RSF1: variants seen among roughly 807,000 people sequenced by gnomAD.
The protein encoded by RSF1 is remodeling and spacing factor 1, also known as HBV pX-associated protein 8.
In RSF1, 13 loss-of-function variants were observed where a neutral mutation model predicts 145.2. The observed-to-expected ratio is 0.09, with a 90% confidence interval of 0.06 to 0.14. The LOEUF (loss-of-function observed/expected upper bound fraction) is 0.14, where lower values mean the gene tolerates loss of function less well. RSF1 is among the 10% of genes least tolerant of loss of function. The pLI, the probability that RSF1 is intolerant of heterozygous loss-of-function variation, is 1.00. For synonymous variants in RSF1, 577 were observed against 592.6 expected (o/e 0.97, Z 0.38); for missense variants, 1,517 against 1,718.2 (o/e 0.88, Z 2.07).
At chr11:77,775,454 C>G (rs78937933) in intron 1 of RSF1, among the ~76,000 whole-genome samples, 1 of 152,130 alleles carries the variant, frequency 6.6e-6, no homozygotes, top group Non-Finnish European at 1.5e-5. Context: ...GTCTTTTCCC[C>G]GCTTTTCTCT....
At chr11:77,721,455 T>C (rs1339830187) in intron 5 of RSF1, among the ~76,000 whole-genome samples, 1 of 152,222 alleles carries the variant, frequency 6.6e-6, no homozygotes, top group South Asian at 2.1e-4. Context: ...TATATGTAAG[T>C]GCAGCATTAA....
chr11:77,804,384 G>A (rs929590636), intron 1 of RSF1, among the ~76,000 whole-genome samples: 1 of 152,132 alleles, frequency 6.6e-6, no homozygotes, highest in Non-Finnish European at 1.5e-5. Context: ...GGTAGCATGG[G>A]GACCCCACCT....
chr11:77,812,651 C>T (rs1236163331), intron 1 of RSF1, among the ~76,000 whole-genome samples: 8 of 151,992 alleles, frequency 5.3e-5, no homozygotes, highest in African/African-American at 1.7e-4. Context: ...TTTGGGAGGC[C>T]GGGGCAGGCA....
At chr11:77,812,884 C>CAAAAA (rs71046910) in intron 1 of RSF1, among the ~76,000 whole-genome samples, 1 of 110,570 alleles carries the variant, frequency 9.0e-6, no homozygotes, top group Admixed American at 1.0e-4. Context: ...AGCTCCATCT[C>CAAAAA]AAAAAAAAAA....
At chr11:77,711,530 G>A (rs966038992) in intron 5 of RSF1, among the ~76,000 whole-genome samples, 36 of 152,144 alleles carry the variant, frequency 2.4e-4, no homozygotes, top group African/African-American at 7.5e-4. Flanking sequence ...TTAGCCGGGC[G>A]TGGTTGCAGG....
At chr11:77,724,623 G>A (rs1961010100) in intron 5 of RSF1, among the ~76,000 whole-genome samples, 1 of 152,152 alleles carries the variant, frequency 6.6e-6, no homozygotes, top group Non-Finnish European at 1.5e-5. Context: ...CAGTTTCGTG[G>A]AAGACAATTT....
chr11:77,721,901 A>G (rs547491908), intron 5 of RSF1, among the ~76,000 whole-genome samples: 25 of 152,348 alleles, frequency 1.6e-4, no homozygotes, highest in Non-Finnish European at 2.8e-4. Context: ...GGCTGTGCGC[A>G]GTTGCTCACA....
chr11:77,769,265 G>A (rs1014553588), intron 1 of RSF1, among the ~76,000 whole-genome samples: 1 of 152,060 alleles, frequency 6.6e-6, no homozygotes, highest in South Asian at 2.1e-4. Flanking sequence ...ACCGTGCCCA[G>A]CCATCAATCA....
At chr11:77,689,591 C>A (rs1452361009) in intron 9 of RSF1, among the ~76,000 whole-genome samples, 1 of 152,198 alleles carries the variant, frequency 6.6e-6, no homozygotes, top group Non-Finnish European at 1.5e-5. Context: ...AATATATCTC[C>A]ACTTTTCCAT....
At chr11:77,865,971 T>C in the RSF1 span, among the ~76,000 whole-genome samples, 4 of 152,076 alleles carry the variant, frequency 2.6e-5, no homozygotes, top group African/African-American at 9.7e-5. Flanking sequence ...AGACAAGCAA[T>C]AATGAGAATG....
intron 2 of RSF1, among the ~76,000 whole-genome samples, chr11:77,748,877 G>A (rs1948031145): frequency 1.3e-5 from 2 of 152,172 alleles, no homozygotes; most frequent in Admixed American, 1.3e-4. Context: ...GTTCCTCGCA[G>A]TATTATTCAC....
chr11:77,822,608 G>A (rs187674823), upstream of RSF1, among the ~76,000 whole-genome samples: 13 of 152,200 alleles, frequency 8.5e-5, no homozygotes, highest in Admixed American at 5.9e-4. Flanking sequence ...CCATAAGGGT[G>A]TGTATTATTC....
At chr11:77,715,504 G>A (rs1358061587) in intron 5 of RSF1, among the ~76,000 whole-genome samples, 1 of 152,196 alleles carries the variant, frequency 6.6e-6, no homozygotes, top group Non-Finnish European at 1.5e-5. Context: ...CTGGAGTGCA[G>A]TAGCGCAATC....
In RSF1 at chr11:77,806,535, A is replaced by G. The variant is rs372823235; in HGVS notation, c.187+13993T>C. 9.2e-5 allele frequency among the ~76,000 whole-genome samples: 14 copies of G among 151,988 alleles called. No individual in the cohort carries two copies. In the East Asian group the frequency reaches 1.2e-3, roughly 13 times the overall value. ...ATAAAAAAAGATTTTTTTTTTTTTAACTAGCCAGGTGTAGGGGCACAAGTA... is the reference window on the plus strand; with the variant it reads ...ATAAAAAAAGATTTTTTTTTTTTTAGCTAGCCAGGTGTAGGGGCACAAGTA... On this transcript the variant is annotated intron_variant, in intron 1 of 15. Coordinates refer to ENST00000308488, the MANE Select transcript of RSF1 (RefSeq NM_016578.4).
the RSF1 span, among the ~76,000 whole-genome samples, chr11:77,863,025 G>A: frequency 1.3e-5 from 2 of 152,220 alleles, no homozygotes; most frequent in Middle Eastern, 3.4e-3. Flanking sequence ...CTAATGTGGT[G>A]GTGGGCCGCT....
At position 77,811,484 on chromosome 11, in the gene RSF1, T is replaced by C. The variant is rs190708995; in HGVS notation, c.187+9044A>G. 2.6e-4 allele frequency among the ~76,000 whole-genome samples: 39 copies of C among 152,208 alleles called. No homozygotes were observed. In the East Asian group the frequency reaches 3.7e-3, roughly 14 times the overall value. On this transcript the variant is annotated intron_variant, in intron 1 of 15. Coordinates refer to ENST00000308488, the MANE Select transcript of RSF1 (RefSeq NM_016578.4). ...AAAGTGTACGTGCAGGGTAAGGAGA[T>C]TGAAGTGGTTAATTTAACTTGAGAG...
chr11:77,671,842 C>T (rs562878957), intron 15 of RSF1, among the ~76,000 whole-genome samples, 200 bp downstream of exon 15: 1 of 152,232 alleles, frequency 6.6e-6, no homozygotes, highest in Admixed American at 6.5e-5. Flanking sequence ...CCATGTTGGA[C>T]AGGCTGGTCT....
intron 1 of RSF1, among the ~76,000 whole-genome samples, chr11:77,814,878 C>T (rs1948767162): frequency 6.6e-6 from 1 of 150,800 alleles, no homozygotes; most frequent in Admixed American, 6.7e-5. Flanking sequence ...ACTTGGAAAC[C>T]CCCAAAATAT....
intron 5 of RSF1, among the ~76,000 whole-genome samples, chr11:77,716,759 C>T (rs750794411): frequency 4.6e-5 from 7 of 152,118 alleles, no homozygotes; most frequent in Non-Finnish European, 4.4e-5. Context: ...TTTAAGTGCT[C>T]TCATCACAAA....
Sources: gnomAD v4.1 joint callset for allele counts (sites outside exome capture counted in the v4.1 genomes callset) on GRCh38, gnomAD v4.1.1 for gene constraint, MANE v1.5 for transcripts, NCBI Gene and HGNC (gene_info 2026-07-23, HGNC 2026-07-21) for gene names.